The following SNTG1 variants were observed in gnomAD, a reference collection of about 807,000 sequenced individuals.
The protein encoded by SNTG1 is syntrophin gamma 1.
Under a neutral mutation model 74.7 loss-of-function variants are expected in SNTG1, and 39 were observed. The ratio of observed to expected loss-of-function variants is 0.52; its 90% CI spans 0.40 to 0.68. The LOEUF (loss-of-function observed/expected upper bound fraction) is 0.68. Among genes scored for constraint, SNTG1 ranks in the 30% least tolerant of loss-of-function variants. The probability of loss-of-function intolerance (pLI) is 0.00; values close to 1 mark genes in which losing one functional copy is unlikely to be tolerated. For synonymous variants in SNTG1, 254 were observed against 217.1 expected (o/e 1.17, Z -1.49); for missense variants, 685 against 609.5 (o/e 1.12, Z -1.30).
At position 50,033,226 on chromosome 8, in the gene SNTG1, C is replaced by T. The variant is rs571407519; in HGVS notation, c.-103+120995C>T. Among the ~76,000 whole-genome samples the T allele has an allele frequency of 4.6e-5, 7 of 151,804 alleles. No individual in the cohort carries two copies. In the South Asian group the frequency reaches 1.3e-3, roughly 27 times the overall value. On this transcript the variant is annotated intron_variant, in intron 1 of 18. Coordinates refer to ENST00000642720, the MANE Select transcript of SNTG1 (RefSeq NM_018967.5). ...ACAACCTCTGCCTCCTGAGTTCAAG[C>T]GATTCTCCTGCCTCAGCCTCCTGAG...
intron 18 of SNTG1, 89 bp from the exon 19 acceptor site, chr8:50,792,582 G>T (rs755080719): frequency 1.7e-5 from 21 of 1,267,894 alleles, no homozygotes; most frequent in Non-Finnish European, 2.1e-5. Flanking sequence ...CTAGATAAGT[G>T]TATTGAAATT....
intron 1 of SNTG1, among the ~76,000 whole-genome samples, chr8:50,096,385 A>G (rs911871723): frequency 1.3e-4 from 20 of 152,170 alleles, no homozygotes; most frequent in African/African-American, 4.8e-4. Flanking sequence ...GCAAAACATA[A>G]AGAAACTTAT....
At chr8:50,594,548 C>T (rs994830175) in intron 13 of SNTG1, among the ~76,000 whole-genome samples, 8 of 151,978 alleles carry the variant, frequency 5.3e-5, no homozygotes, top group Middle Eastern at 3.4e-3. Context: ...TGACATTTGA[C>T]GAACCATAAT....
chr8:50,164,858 C>T (rs1346184955), intron 1 of SNTG1, among the ~76,000 whole-genome samples: 1 of 152,150 alleles, frequency 6.6e-6, no homozygotes, highest in South Asian at 2.1e-4. Context: ...GGCTATACAA[C>T]ATCAGAAGAT....
At chr8:50,202,118 G>A (rs1023978216) in intron 2 of SNTG1, among the ~76,000 whole-genome samples, 7 of 151,972 alleles carry the variant, frequency 4.6e-5, no homozygotes, top group Non-Finnish European at 1.0e-4. Context: ...CCATCAATGA[G>A]GTTGTTTCAT....
intron 14 of SNTG1, 73 bp downstream of exon 14, chr8:50,657,098 A>C (rs2095187291): frequency 2.8e-6 from 2 of 716,396 alleles, no homozygotes; most frequent in South Asian, 6.2e-5. Flanking sequence ...TAACAGCACC[A>C]AATAGTATAC....
chr8:50,143,220 G>GTT, intron 1 of SNTG1, among the ~76,000 whole-genome samples: 1 of 152,216 alleles, frequency 6.6e-6, no homozygotes, highest in South Asian at 2.1e-4. Context: ...TGGGACATTT[G>GTT]TTTACATGTT....
At chr8:50,048,508 C>A (rs1333330633) in intron 1 of SNTG1, among the ~76,000 whole-genome samples, 1 of 152,116 alleles carries the variant, frequency 6.6e-6, no homozygotes. Flanking sequence ...CCATCTTTTA[C>A]AATAGTCATT....
At chr8:50,658,267 A>T (rs1271607210) in intron 14 of SNTG1, among the ~76,000 whole-genome samples, 3 of 152,158 alleles carry the variant, frequency 2.0e-5, no homozygotes, top group Admixed American at 2.0e-4. Context: ...AATTAAAAAA[A>T]AAATATGAGT....
At chr8:50,751,396 T>C (rs2095567052) in intron 17 of SNTG1, among the ~76,000 whole-genome samples, 2 of 152,058 alleles carry the variant, frequency 1.3e-5, no homozygotes, top group South Asian at 4.1e-4. Context: ...AATTTCACCT[T>C]TTATATCTCC....
chr8:50,319,218 GC>G (rs1157141087), intron 2 of SNTG1, among the ~76,000 whole-genome samples: 1 of 152,034 alleles, frequency 6.6e-6, no homozygotes, highest in Non-Finnish European at 1.5e-5. Context: ...ACAAAAATTA[GC>G]TGGACATGGT....
At chr8:50,779,383 C>A (rs1451800580) in intron 18 of SNTG1, among the ~76,000 whole-genome samples, 1 of 152,062 alleles carries the variant, frequency 6.6e-6, no homozygotes, top group Non-Finnish European at 1.5e-5. Flanking sequence ...TTTCATCGAG[C>A]AGTGGTTTGT....
At chr8:50,684,585 C>T (rs1191392338) in intron 15 of SNTG1, among the ~76,000 whole-genome samples, 2 of 151,670 alleles carry the variant, frequency 1.3e-5, no homozygotes, top group Non-Finnish European at 2.9e-5. Flanking sequence ...TTCAAGAATG[C>T]AAATAAAATA....
At chr8:50,414,912 T>C (rs2092995885) in intron 4 of SNTG1, among the ~76,000 whole-genome samples, 1 of 152,156 alleles carries the variant, frequency 6.6e-6, no homozygotes, top group African/African-American at 2.4e-5. Context: ...CCACCTACTA[T>C]ACATAGTTCA....
At chr8:50,677,298 C>A (rs2095313029) in intron 15 of SNTG1, among the ~76,000 whole-genome samples, 2 of 151,980 alleles carry the variant, frequency 1.3e-5, no homozygotes, top group Non-Finnish European at 2.9e-5. Flanking sequence ...GCAAATAAAT[C>A]TTTATGAATT....
intron 2 of SNTG1, among the ~76,000 whole-genome samples, chr8:50,292,137 A>G (rs144045193): frequency 5.3e-5 from 8 of 152,274 alleles, no homozygotes; most frequent in Non-Finnish European, 1.0e-4. Flanking sequence ...GTATATAGAG[A>G]CAGCATTTAA....
chr8:49,991,835 A>G (rs1813722029), intron 1 of SNTG1, among the ~76,000 whole-genome samples: 1 of 152,104 alleles, frequency 6.6e-6, no homozygotes, highest in African/African-American at 2.4e-5. Flanking sequence ...GCTTGTGAGT[A>G]CTTCTCTTTG....
At chr8:50,000,245 T>C (rs971499349) in intron 1 of SNTG1, among the ~76,000 whole-genome samples, 1 of 152,144 alleles carries the variant, frequency 6.6e-6, no homozygotes, top group Non-Finnish European at 1.5e-5. Context: ...GCTTTTAATA[T>C]CCATAGCAAA....
intron 18 of SNTG1, among the ~76,000 whole-genome samples, chr8:50,760,333 ATTT>A (rs2095594721): frequency 6.6e-6 from 1 of 151,830 alleles, no homozygotes; most frequent in Admixed American, 6.6e-5. Flanking sequence ...AATACCCTTT[ATTT>A]CTTTTGACTG....
Sources: allele counts gnomAD v4.1 joint callset (sites outside exome capture counted in the v4.1 genomes callset), GRCh38; gene constraint gnomAD v4.1.1; transcripts MANE v1.5; gene names NCBI Gene and HGNC (gene_info 2026-07-23, HGNC 2026-07-21).